Variants in ANKRD36C observed in about 807,000 individuals in gnomAD.
ANKRD36C encodes the protein ankyrin repeat domain-containing protein 36C.
ANKRD36C carries 61 observed loss-of-function variants against 276.4 expected under a neutral mutation model. That is an observed-to-expected ratio of 0.22 (90% CI 0.18 to 0.27). The LOEUF (loss-of-function observed/expected upper bound fraction) is 0.27, where lower values mean the gene tolerates loss of function less well. Ranked by LOEUF, ANKRD36C falls within the 10% of genes least tolerant of loss-of-function variation. ANKRD36C has a pLI of 1.00. For synonymous variants in ANKRD36C, 483 were observed against 680.1 expected (o/e 0.71, Z 4.51); for missense variants, 1,447 against 2,032.3 (o/e 0.71, Z 5.54).
intron 6 of ANKRD36C, among the ~76,000 whole-genome samples, chr2:95,977,903 C>A (rs1463663488): frequency 6.6e-6 from 1 of 151,810 alleles, no homozygotes; most frequent in Admixed American, 6.6e-5. Context: ...ATATTAGGAA[C>A]CATAATTAAA....
intron 6 of ANKRD36C, among the ~76,000 whole-genome samples, chr2:95,962,805 G>A (rs1678492301): frequency 1.3e-5 from 2 of 152,180 alleles, no homozygotes; most frequent in East Asian, 1.9e-4. Flanking sequence ...ATGAAACAGT[G>A]TCAGTATCAT....
chr2:95,912,919 AT>A (rs1309610612), intron 40 of ANKRD36C, among the ~76,000 whole-genome samples: 1 of 151,424 alleles, frequency 6.6e-6, no homozygotes, highest in Non-Finnish European at 1.5e-5. Flanking sequence ...CTTCAGTTGA[AT>A]GTACACTTCA....
rs542479388 is a variant in ANKRD36C at position 95,858,703 on chromosome 2, G to A, written c.3896+1158C>T. On this transcript the variant is annotated intron_variant, in intron 61 of 66. Transcript: ENST00000456556. ...ATTTACATTGTAAGATAGCATTTTC[G>A]ATGTCTTTATGAAACATATATCAGC... Among the ~76,000 whole-genome samples the A allele has an allele frequency of 2.2e-3, 336 of 152,192 alleles. 1 individual carries two copies. Among genetic ancestry groups the A allele is most frequent in the Admixed American group, 3.5e-3 (54 of 15,296 alleles).
intron 54 of ANKRD36C, among the ~76,000 whole-genome samples, chr2:95,883,399 T>C (rs1354893520): frequency 6.6e-6 from 1 of 152,144 alleles, no homozygotes; most frequent in Non-Finnish European, 1.5e-5. Context: ...TTTCATTAAA[T>C]TGCTATTTTA....
chr2:95,990,673 T>G (rs568555325), intron 1 of ANKRD36C, among the ~76,000 whole-genome samples: 1 of 152,346 alleles, frequency 6.6e-6, no homozygotes, highest in African/African-American at 2.4e-5. Flanking sequence ...AAATGTGTCT[T>G]TCTATTCAAG....
chr2:95,878,296 G>A (rs1014782181), intron 58 of ANKRD36C, among the ~76,000 whole-genome samples: 2 of 151,770 alleles, frequency 1.3e-5, no homozygotes, highest in South Asian at 2.1e-4. Flanking sequence ...CAAAATCAGT[G>A]CAATGTTCAC....
intron 6 of ANKRD36C, among the ~76,000 whole-genome samples, chr2:95,968,030 T>G (rs1678627949): frequency 1.3e-5 from 2 of 152,228 alleles, no homozygotes; most frequent in South Asian, 4.2e-4. Context: ...AGGCAGAGGT[T>G]GCAGTGAGCC....
At chr2:95,970,267 T>C (rs1678671762) in intron 6 of ANKRD36C, among the ~76,000 whole-genome samples, 2 of 152,182 alleles carry the variant, frequency 1.3e-5, no homozygotes, top group South Asian at 4.1e-4. Context: ...AAGATTCTGG[T>C]AGTTTGCTTA....
intron 61 of ANKRD36C, among the ~76,000 whole-genome samples, chr2:95,858,828 A>T (rs1301800569): frequency 6.6e-6 from 1 of 152,160 alleles, no homozygotes; most frequent in Admixed American, 6.6e-5. Flanking sequence ...CCTGCTGATT[A>T]GTATGTACTT....
intron 50 of ANKRD36C, among the ~76,000 whole-genome samples, chr2:95,886,451 A>G (rs1676205060): frequency 6.6e-6 from 1 of 151,518 alleles, no homozygotes; most frequent in Non-Finnish European, 1.5e-5. Flanking sequence ...TACACTAAGC[A>G]TTTCAAATGT....
intron 32 of ANKRD36C, among the ~76,000 whole-genome samples, chr2:95,922,161 A>G (rs1677290359): frequency 6.6e-6 from 1 of 151,640 alleles, no homozygotes; most frequent in Non-Finnish European, 1.5e-5. Flanking sequence ...CAGGTGGCAC[A>G]TGCACCCACT....
intron 4 of ANKRD36C, 62 bp downstream of exon 4, chr2:95,982,194 C>T (rs1558664419): frequency 1.9e-5 from 24 of 1,294,180 alleles, no homozygotes; most frequent in Middle Eastern, 1.9e-4. Context: ...CTTCAGTGAC[C>T]GCTACCACTC....
In ANKRD36C at chr2:95,985,253, C is replaced by T. The variant is rs377111861; in HGVS notation, c.486+1498G>A. The stretch of plus-strand genomic sequence containing the variant: ...GCAAATAATAGTCCTTTTCACTTCC[C>T]AACCACAGAGGTAGAGACAGGTAAA... On this transcript the variant is annotated intron_variant, in intron 3 of 66. Transcript: ENST00000456556. Among the ~76,000 whole-genome samples, 19 of 152,306 alleles carry T rather than the reference C, an allele frequency of 1.2e-4. No homozygotes were observed. The East Asian group carries it at 1.9e-3, about 15-fold the overall frequency.
chr2:95,913,412 T>C, intron 40 of ANKRD36C, among the ~76,000 whole-genome samples: 1 of 151,438 alleles, frequency 6.6e-6, no homozygotes. Context: ...TTTTTATAAC[T>C]AAAATCAACA....
intron 3 of ANKRD36C, among the ~76,000 whole-genome samples, chr2:95,984,203 T>C (rs1172462294): frequency 3.3e-5 from 5 of 151,542 alleles, no homozygotes; most frequent in Admixed American, 3.3e-4. Flanking sequence ...AAATATATTA[T>C]AAAACAGGGC....
intron 14 of ANKRD36C, among the ~76,000 whole-genome samples, 194 bp from the exon 15 acceptor site, chr2:95,951,602 T>TA: frequency 6.6e-6 from 1 of 152,304 alleles, no homozygotes. Context: ...GTGATACAGA[T>TA]ATCTTCAAAA....
intron 6 of ANKRD36C, among the ~76,000 whole-genome samples, chr2:95,970,113 G>C (rs1678669550): frequency 6.6e-6 from 1 of 151,978 alleles, no homozygotes; most frequent in Non-Finnish European, 1.5e-5. Flanking sequence ...AAAAAATCTA[G>C]ATCTATGAAA....
intron 14 of ANKRD36C, 131 bp downstream of exon 14, chr2:95,953,808 G>C (rs1242552749): frequency 4.1e-6 from 3 of 726,156 alleles, no homozygotes; most frequent in Middle Eastern, 7.5e-4. Flanking sequence ...CTTTAAAATG[G>C]TTTTCTCTAA....
intron 6 of ANKRD36C, among the ~76,000 whole-genome samples, chr2:95,968,367 C>A (rs1678634374): frequency 2.0e-5 from 3 of 152,066 alleles, no homozygotes; most frequent in South Asian, 2.1e-4. Flanking sequence ...ATGTGAATTG[C>A]AGTATAAAAT....
Sources: gnomAD v4.1 joint callset for allele counts (sites outside exome capture counted in the v4.1 genomes callset) on GRCh38, gnomAD v4.1.1 for gene constraint, MANE v1.5 for transcripts, NCBI Gene and HGNC (gene_info 2026-07-23, HGNC 2026-07-21) for gene names.